LINGO2: variants seen among roughly 807,000 people sequenced by gnomAD.
LINGO2 encodes leucine-rich repeat and immunoglobulin-like domain-containing nogo receptor-interacting protein 2.
LINGO2 carries 14 observed loss-of-function variants against 30.6 expected under a neutral mutation model. The ratio of observed to expected loss-of-function variants is 0.46; its 90% CI spans 0.30 to 0.72. LINGO2 has a LOEUF of 0.72. LINGO2 is among the 30% of genes least tolerant of loss of function. The probability of loss-of-function intolerance (pLI) is 0.07; values close to 1 mark genes in which losing one functional copy is unlikely to be tolerated. For missense variants in LINGO2, 729 were observed against 751.7 expected (o/e 0.97, Z 0.35); for synonymous variants, 317 against 288.5 (o/e 1.10, Z -1.00).
the LINGO2 span, among the ~76,000 whole-genome samples, chr9:29,077,496 A>G: frequency 5.9e-5 from 9 of 152,068 alleles, no homozygotes; most frequent in Admixed American, 5.9e-4. Context: ...TATTCTCTAT[A>G]GCTACTTTAT....
At chr9:28,484,999 T>C (rs983776038) in intron 1 of LINGO2, among the ~76,000 whole-genome samples, 6 of 152,106 alleles carry the variant, frequency 3.9e-5, no homozygotes, top group African/African-American at 1.4e-4. Flanking sequence ...CTCAGTAAAC[T>C]TGAACAAGTC....
exon 6 of LINGO2, chr9:27,948,991 G>C (rs912014858): frequency 6.2e-7 from 1 of 1,613,740 alleles, no homozygotes; most frequent in South Asian, 1.1e-5. Context: ...AAAAGGAGAA[G>C]AAAACAAAAT....
the LINGO2 span, among the ~76,000 whole-genome samples, chr9:29,149,946 G>GACCGCTCCCACTGGCTT: frequency 2.4e-4 from 37 of 152,274 alleles, no homozygotes; most frequent in Admixed American, 1.1e-3. Context: ...GCCACTGTCT[G>GACCGCTCCCACTGGCTT]ACCGCTCCCA....
intron 4 of LINGO2, among the ~76,000 whole-genome samples, chr9:28,166,338 G>A (rs538152630): frequency 4.4e-4 from 67 of 152,244 alleles, no homozygotes; most frequent in Non-Finnish European, 4.9e-4. Context: ...AGACTTGTCC[G>A]GTGCTACTTA....
At chr9:28,848,133 TA>T in the LINGO2 span, among the ~76,000 whole-genome samples, 13 of 102,582 alleles carry the variant, frequency 1.3e-4, no homozygotes, top group African/African-American at 4.0e-4. Flanking sequence ...ACACTATATA[TA>T]GCATATATAT....
intron 3 of LINGO2, among the ~76,000 whole-genome samples, chr9:28,310,198 C>A (rs1216707497): frequency 6.6e-6 from 1 of 152,128 alleles, no homozygotes; most frequent in African/African-American, 2.4e-5. Flanking sequence ...TATTTACTCA[C>A]AAGAAATGGA....
chr9:29,053,845 A>G, the LINGO2 span, among the ~76,000 whole-genome samples: 1 of 152,118 alleles, frequency 6.6e-6, no homozygotes, highest in Admixed American at 6.6e-5. Flanking sequence ...TATAAATTCT[A>G]TTAAATGACT....
intron 1 of LINGO2, among the ~76,000 whole-genome samples, chr9:28,627,422 C>G (rs1826731227): frequency 6.6e-6 from 1 of 152,048 alleles, no homozygotes; most frequent in Non-Finnish European, 1.5e-5. Context: ...TACTTACCAT[C>G]TGCTCTGCAA....
At chr9:28,003,363 A>G (rs1822069901) in intron 5 of LINGO2, among the ~76,000 whole-genome samples, 1 of 147,056 alleles carries the variant, frequency 6.8e-6, no homozygotes, top group Non-Finnish European at 1.5e-5. Context: ...AGATAGATAG[A>G]TAGATAGATA....
the LINGO2 span, among the ~76,000 whole-genome samples, chr9:29,097,499 T>C: frequency 1.4e-5 from 2 of 138,858 alleles, no homozygotes; most frequent in East Asian, 2.5e-4. Flanking sequence ...CTCTATGCTA[T>C]AGATATTAAC....
the LINGO2 span, among the ~76,000 whole-genome samples, chr9:29,098,699 T>C: frequency 1.3e-5 from 2 of 152,302 alleles, no homozygotes; most frequent in East Asian, 1.9e-4. Flanking sequence ...TAATTCATGA[T>C]ACTGCTGATA....
At chr9:28,165,913 C>T (rs749889418) in intron 4 of LINGO2, among the ~76,000 whole-genome samples, 77 of 152,012 alleles carry the variant, frequency 5.1e-4, no homozygotes, top group Non-Finnish European at 1.0e-3. Context: ...AAAAGGGGAG[C>T]TAAAAGAAAA....
intron 2 of LINGO2, among the ~76,000 whole-genome samples, chr9:28,469,234 A>C (rs531625293): frequency 6.6e-6 from 1 of 152,088 alleles, no homozygotes; most frequent in South Asian, 2.1e-4. Context: ...AACCTGAAGG[A>C]AAGTCACCTA....
intron 1 of LINGO2, among the ~76,000 whole-genome samples, chr9:28,526,572 A>C (rs1821047994): frequency 6.6e-6 from 1 of 152,220 alleles, no homozygotes; most frequent in African/African-American, 2.4e-5. Flanking sequence ...TGTTCACAAT[A>C]ATCAAAATTG....
rs542252788 is a variant in LINGO2, at chr9:28,533,842, C to T, written c.-364-57817G>A. ...TTGGTAAATGGATGAAAGTACTTAG[C>T]TTAAAGGTGGTAGTGATTTTTCTGT... On this transcript the variant is annotated intron_variant, in intron 1 of 5. Transcript: ENST00000379992. 9.2e-5 allele frequency among the ~76,000 whole-genome samples: 14 copies of T among 152,166 alleles called. No individual in the cohort carries two copies. The East Asian group carries it at 2.5e-3, about 27-fold the overall frequency.
chr9:28,318,597 A>G (rs1587458774), intron 3 of LINGO2, among the ~76,000 whole-genome samples: 2 of 152,316 alleles, frequency 1.3e-5, no homozygotes, highest in Admixed American at 1.3e-4. Flanking sequence ...AACTATAAAA[A>G]AAACAGTCTA....
intron 4 of LINGO2, among the ~76,000 whole-genome samples, chr9:28,226,634 G>A (rs35656005): frequency 0.15 from 11,617 of 80,096 alleles, 681 homozygotes; most frequent in African/African-American, 0.19. Context: ...AAGGAAAGAA[G>A]GAAAGAAGGA....
chr9:28,481,846 T>C (rs1334952180), intron 1 of LINGO2, among the ~76,000 whole-genome samples: 6 of 151,686 alleles, frequency 4.0e-5, no homozygotes, highest in Admixed American at 2.6e-4. Context: ...ATTGTTCAGT[T>C]CCCACCTATG....
intron 4 of LINGO2, among the ~76,000 whole-genome samples, chr9:28,293,234 A>C (rs1424335471): frequency 6.6e-6 from 1 of 152,012 alleles, no homozygotes; most frequent in Non-Finnish European, 1.5e-5. Context: ...AGTAGCTGGA[A>C]CTACAAGCAC....
Sources: gnomAD v4.1 joint callset for allele counts (sites outside exome capture counted in the v4.1 genomes callset) on GRCh38, gnomAD v4.1.1 for gene constraint, MANE v1.5 for transcripts, NCBI Gene and HGNC (gene_info 2026-07-23, HGNC 2026-07-21) for gene names.